Variants in UBE3D observed in about 807,000 individuals in gnomAD.
UBE3D encodes the protein E3 ubiquitin-protein ligase E3D.
In UBE3D, 48 loss-of-function variants were observed where a neutral mutation model predicts 49.6. The ratio of observed to expected loss-of-function variants is 0.97; its 90% CI spans 0.77 to 1.23. UBE3D has a LOEUF of 1.23. UBE3D is among the 50% of genes most tolerant of loss of function. The pLI is 0.00. For synonymous variants in UBE3D, 189 were observed against 174.2 expected, an observed-to-expected ratio of 1.08 and a Z score of -0.67; for missense variants, 452 against 468.4, an observed-to-expected ratio of 0.96 and a Z score of 0.32.
At chr6:82,893,959 G>A (rs576885505) in intron 9 of UBE3D, 1 of 152,316 alleles carries the variant, frequency 6.6e-6, no homozygotes, top group South Asian at 2.1e-4. Flanking sequence ...TCAGAAGGAT[G>A]TTACCCTTCA....
At chr6:82,903,408 G>C (rs1292922036) in intron 9 of UBE3D, among the ~76,000 whole-genome samples, 1 of 152,132 alleles carries the variant, frequency 6.6e-6, no homozygotes, top group Non-Finnish European at 1.5e-5. Flanking sequence ...TTTGATTAGA[G>C]GAGAAAACTT....
At chr6:83,047,649 C>A (rs1302201864) in intron 3 of UBE3D, among the ~76,000 whole-genome samples, 1 of 152,168 alleles carries the variant, frequency 6.6e-6, no homozygotes, top group African/African-American at 2.4e-5. Flanking sequence ...CCTTGTGAGT[C>A]CACATGTTTA....
chr6:83,025,882 T>TAAAAAAAAAAAAA (rs70987730), intron 5 of UBE3D, among the ~76,000 whole-genome samples: 1 of 90,320 alleles, frequency 1.1e-5, no homozygotes. Context: ...GACTCCATCT[T>TAAAAAAAAAAAAA]AAAAAAAAAA....
the UBE3D span, among the ~76,000 whole-genome samples, chr6:82,883,930 T>C: frequency 1.3e-5 from 2 of 152,332 alleles, no homozygotes; most frequent in South Asian, 2.1e-4. Context: ...AATCTATTTA[T>C]GTGCAGGACC....
At chr6:83,010,858 C>T (rs1387740916) in intron 8 of UBE3D, among the ~76,000 whole-genome samples, 1 of 152,128 alleles carries the variant, frequency 6.6e-6, no homozygotes, top group Non-Finnish European at 1.5e-5. Context: ...AAGGGTAGAT[C>T]TGCCTTTCCC....
intron 9 of UBE3D, among the ~76,000 whole-genome samples, chr6:82,925,822 A>G (rs1773707402): frequency 6.6e-6 from 1 of 152,082 alleles, no homozygotes; most frequent in Non-Finnish European, 1.5e-5. Flanking sequence ...ACCCCACAAA[A>G]TTACCAAAAT....
intron 8 of UBE3D, among the ~76,000 whole-genome samples, chr6:82,994,564 G>C (rs1325493011): frequency 6.6e-6 from 1 of 152,144 alleles, no homozygotes; most frequent in Non-Finnish European, 1.5e-5. Flanking sequence ...TGACCAAGCT[G>C]GGTGGATTCG....
chr6:82,890,323 C>T (rs1434229237), downstream of UBE3D, among the ~76,000 whole-genome samples: 3 of 152,064 alleles, frequency 2.0e-5, no homozygotes, highest in Admixed American at 6.6e-5. Context: ...CCCTTCATGC[C>T]CTATAGCCCC....
chr6:82,994,631 T>C (rs749310343), intron 8 of UBE3D, among the ~76,000 whole-genome samples: 44 of 152,310 alleles, frequency 2.9e-4, no homozygotes, highest in Non-Finnish European at 5.6e-4. Context: ...GACAAACACC[T>C]GAACTAGGTT....
chr6:83,016,636 C>CATATAAATCTTCATATATATAAAGCCAT (rs1274513589), intron 8 of UBE3D, among the ~76,000 whole-genome samples: 10 of 151,086 alleles, frequency 6.6e-5, no homozygotes, highest in Non-Finnish European at 1.3e-4. Context: ...TATATATATG[C>CATATAAATCTTCATATATATAAAGCCAT]ATATAAATCT....
chr6:83,017,224 A>G (rs146819970), intron 8 of UBE3D: 47 of 152,370 alleles, frequency 3.1e-4, no homozygotes, highest in African/African-American at 1.1e-3. Context: ...ACACAGCTTT[A>G]AAATACATAA....
intron 5 of UBE3D, among the ~76,000 whole-genome samples, chr6:83,033,861 C>T (rs980286692): frequency 2.0e-5 from 3 of 152,122 alleles, no homozygotes; most frequent in Non-Finnish European, 4.4e-5. Flanking sequence ...CTACTTTCTC[C>T]ACCACCTACC....
rs56663287 is a variant in UBE3D at position 82,995,490 on chromosome 6, T to TCACACACACACACACACA, written c.1010+23465_1010+23482dup. On this transcript the variant is annotated intron_variant, in intron 8 of 9. Transcript: ENST00000369747. ...CCAGATAAAGGATTAATACTAACAA[T>TCACACACACACACACACA]CACACACACACACACACACACACAC... Among the ~76,000 whole-genome samples the TCACACACACACACACACA allele has an allele frequency of 1.2e-3, 165 of 138,256 alleles. 1 individual carries two copies. Among genetic ancestry groups the TCACACACACACACACACA allele is most frequent in the South Asian group, 8.9e-3 (37 of 4,172 alleles). The allele number at this position is 138,256 out of a possible 152,430, so 90.7% of individuals were successfully genotyped here. A position where few individuals can be genotyped will look rare whatever the true frequency, so the allele number is the denominator to read the frequency against.
At chr6:83,034,556 T>C (rs1033103417) in intron 5 of UBE3D, among the ~76,000 whole-genome samples, 1 of 152,140 alleles carries the variant, frequency 6.6e-6, no homozygotes, top group Non-Finnish European at 1.5e-5. Context: ...TGGGAAGTGA[T>C]TGGATCATGG....
intron 8 of UBE3D, among the ~76,000 whole-genome samples, chr6:82,996,560 T>G (rs1425578547): frequency 1.3e-5 from 2 of 152,112 alleles, no homozygotes; most frequent in East Asian, 3.9e-4. Flanking sequence ...GTGACTCAAT[T>G]CCAAAGAATA....
At chr6:82,968,758 A>G (rs1358326565) in intron 8 of UBE3D, among the ~76,000 whole-genome samples, 1 of 152,190 alleles carries the variant, frequency 6.6e-6, no homozygotes, top group East Asian at 1.9e-4. Flanking sequence ...TCTGTGCTAT[A>G]TATCTGGTTT....
chr6:83,023,973 G>C lies in UBE3D; in HGVS notation c.733C>G (p.Pro245Ala). The change falls in exon 6 of 10, where the codon CCA becomes GCA. Residue 245 changes from proline (P) to alanine (A), a missense_variant. Pro to Ala is a conservative substitution (Grantham distance 27). Transcript: ENST00000369747. ...QSSERSFPII[P>A]RSWFVQSVIA... ...AATGTAATTTGCTATTTGTACCTTG[G>C]TATGATAGGAAAACTCCTCTCAGAT... 3.3e-6 allele frequency: 5 copies of C among 1,521,138 alleles called. No homozygotes were observed. Among genetic ancestry groups the C allele is most frequent in the Non-Finnish European group, 4.4e-6 (5 of 1,135,164 alleles). 94.2% of individuals were successfully genotyped at this position (1,521,138 alleles called of 1,614,324 possible).
intron 9 of UBE3D, among the ~76,000 whole-genome samples, chr6:82,949,048 G>T (rs1020079986): frequency 2.0e-5 from 3 of 151,972 alleles, no homozygotes; most frequent in African/African-American, 4.8e-5. Context: ...GAAATAAAGG[G>T]TATCTAAACT....
At chr6:83,000,081 A>G (rs1167400571) in intron 8 of UBE3D, among the ~76,000 whole-genome samples, 1 of 151,606 alleles carries the variant, frequency 6.6e-6, no homozygotes, top group Non-Finnish European at 1.5e-5. Context: ...TTCCAGACTC[A>G]CCCTCCTTCA....
Sources: allele counts gnomAD v4.1 joint callset (sites outside exome capture counted in the v4.1 genomes callset), GRCh38; gene constraint gnomAD v4.1.1; transcripts MANE v1.5; gene names NCBI Gene and HGNC (gene_info 2026-07-23, HGNC 2026-07-21).